Variants in BMPR1B observed in about 807,000 individuals in gnomAD.
The protein encoded by BMPR1B is bone morphogenetic protein receptor type 1B.
A neutral mutation model predicts 59.1 loss-of-function variants in BMPR1B; 12 were observed. The observed-to-expected ratio is 0.20, with a 90% CI of 0.13 to 0.33. The LOEUF (loss-of-function observed/expected upper bound fraction) is 0.33. Among genes scored for constraint, BMPR1B ranks in the 10% least tolerant of loss-of-function variants. BMPR1B has a pLI of 1.00. For synonymous variants in BMPR1B, 237 were observed against 207.3 expected (o/e 1.14, Z -1.23); for missense variants, 550 against 610.9 (o/e 0.90, Z 1.05).
intron 1 of BMPR1B, among the ~76,000 whole-genome samples, chr4:94,820,350 T>A (rs1354427982): frequency 6.6e-6 from 1 of 152,206 alleles, no homozygotes; most frequent in African/African-American, 2.4e-5. Context: ...CATTTGTTTC[T>A]TTGGAGAACC....
chr4:95,114,532 T>G (rs1417029966), intron 4 of BMPR1B, among the ~76,000 whole-genome samples, 188 bp from the exon 5 acceptor site: 1 of 152,168 alleles, frequency 6.6e-6, no homozygotes, highest in Admixed American at 6.6e-5. Flanking sequence ...GTTTTTATGT[T>G]TATTAAATCC....
chr4:94,909,009 G>T (rs144727926), intron 2 of BMPR1B, among the ~76,000 whole-genome samples: 170 of 152,164 alleles, frequency 1.1e-3, no homozygotes, highest in African/African-American at 3.8e-3. Context: ...TGCTAGGAAA[G>T]AATCCTTTCT....
chr4:95,156,566 C>A lies in BMPR1B; in HGVS notation c.*1893C>A, dbSNP rs1446164161. 6.6e-6 allele frequency: 1 copy of A among 151,514 alleles called. No homozygotes were observed. The highest frequency in any genetic ancestry group is 6.6e-5 in the Admixed American group (1 of 15,208). 9.4% of individuals were successfully genotyped at this position (151,514 alleles called of 1,614,324 possible). ...ACAGTTTGGGAGAATCATGAAGATTCTTTCTATATTTTGCATTTACTTCCC... is the reference window on the plus strand; with the variant it reads ...ACAGTTTGGGAGAATCATGAAGATTATTTCTATATTTTGCATTTACTTCCC... On this transcript the variant is annotated 3_prime_UTR_variant, in exon 13 of 13. Transcript: ENST00000515059.
chr4:94,836,155 G>A (rs371403782), intron 1 of BMPR1B, among the ~76,000 whole-genome samples: 9,255 of 136,374 alleles, frequency 0.068, 352 homozygotes, highest in Non-Finnish European at 0.079. Context: ...AATCCAGTCT[G>A]TCATTGTTGG....
Position 95,154,905 on chromosome 4 carries a change from C to T in BMPR1B, c.*232C>T, listed in dbSNP as rs1735308453. On this transcript the variant is annotated 3_prime_UTR_variant, in exon 13 of 13. Transcript: ENST00000515059. ...TAGGACGGAGAAACCGCTTGGGTAACTTGTTCAAGATATGATGCATGTTGC... is the reference window on the plus strand; with the variant it reads ...TAGGACGGAGAAACCGCTTGGGTAATTTGTTCAAGATATGATGCATGTTGC... The T allele has an allele frequency of 1.9e-6, 1 of 529,752 alleles. No individual in the cohort carries two copies. 32.8% of individuals were successfully genotyped at this position (529,752 alleles called of 1,614,324 possible). A position where few individuals can be genotyped will look rare whatever the true frequency, so the allele number is the denominator to read the frequency against.
intron 1 of BMPR1B, among the ~76,000 whole-genome samples, chr4:94,787,648 G>T (rs549083231): frequency 3.3e-5 from 5 of 152,212 alleles, no homozygotes; most frequent in Non-Finnish European, 7.4e-5. Flanking sequence ...CACGTCTTTG[G>T]TTCTTCATTT....
chr4:94,940,060 TGG>T (rs1729451475), intron 2 of BMPR1B, among the ~76,000 whole-genome samples: 1 of 152,214 alleles, frequency 6.6e-6, no homozygotes, highest in South Asian at 2.1e-4. Context: ...CTAATGCATT[TGG>T]GAGGTATTAT....
chr4:95,014,321 A>G (rs914714538), intron 3 of BMPR1B, among the ~76,000 whole-genome samples: 7 of 152,196 alleles, frequency 4.6e-5, no homozygotes, highest in Admixed American at 1.3e-4. Flanking sequence ...CTTATAATTC[A>G]TAGAATCCAC....
intron 10 of BMPR1B, among the ~76,000 whole-genome samples, chr4:95,145,976 T>G (rs996046107): frequency 2.0e-5 from 3 of 152,238 alleles, no homozygotes; most frequent in Non-Finnish European, 4.4e-5. Context: ...TAAACAAACC[T>G]TTTCCTTCTT....
intron 1 of BMPR1B, among the ~76,000 whole-genome samples, chr4:94,796,572 C>G (rs1337902307): frequency 6.6e-6 from 1 of 151,696 alleles, no homozygotes; most frequent in Non-Finnish European, 1.5e-5. Flanking sequence ...GAGTCAGGAT[C>G]AGGACTGAAT....
At chr4:95,053,784 T>C (rs1304611487) in intron 3 of BMPR1B, among the ~76,000 whole-genome samples, 2 of 152,184 alleles carry the variant, frequency 1.3e-5, no homozygotes, top group African/African-American at 4.8e-5. Flanking sequence ...CGTAACTTTC[T>C]ATAAAGTACA....
chr4:94,981,982 T>G (rs1721110931), intron 2 of BMPR1B, among the ~76,000 whole-genome samples: 1 of 152,196 alleles, frequency 6.6e-6, no homozygotes, highest in Admixed American at 6.5e-5. Flanking sequence ...ATCCTGGTGG[T>G]CAGTCTTAGG....
intron 1 of BMPR1B, among the ~76,000 whole-genome samples, chr4:94,850,453 A>G (rs1292983963): frequency 6.6e-6 from 1 of 152,104 alleles, no homozygotes; most frequent in African/African-American, 2.4e-5. Context: ...CAATCTTTCA[A>G]GATATCTGTA....
At chr4:94,994,841 C>T (rs1169797498) in intron 2 of BMPR1B, among the ~76,000 whole-genome samples, 2 of 152,072 alleles carry the variant, frequency 1.3e-5, no homozygotes, top group African/African-American at 2.4e-5. Context: ...TGAGAACCAC[C>T]ATTCTAACAG....
At chr4:95,108,643 G>C (rs1347976276) in intron 4 of BMPR1B, among the ~76,000 whole-genome samples, 1 of 151,948 alleles carries the variant, frequency 6.6e-6, no homozygotes, top group African/African-American at 2.4e-5. Flanking sequence ...GTGCAGATAC[G>C]GCTGCTTCCA....
chr4:94,799,270 G>C (rs35965331), intron 1 of BMPR1B, among the ~76,000 whole-genome samples: 46,995 of 149,884 alleles, frequency 0.31, 7,942 homozygotes, highest in African/African-American at 0.44. Flanking sequence ...GATAGTAGCA[G>C]TGACCTGTCC....
chr4:94,922,341 G>C (rs1171584106), intron 2 of BMPR1B, among the ~76,000 whole-genome samples: 3 of 151,968 alleles, frequency 2.0e-5, no homozygotes, highest in African/African-American at 7.3e-5. Flanking sequence ...GTGTGTGTAT[G>C]AGAGAGAGAC....
At chr4:94,990,130 G>A (rs1245601389) in intron 2 of BMPR1B, among the ~76,000 whole-genome samples, 1 of 152,144 alleles carries the variant, frequency 6.6e-6, no homozygotes, top group African/African-American at 2.4e-5. Context: ...GGCCAAGGTG[G>A]GTGGATCACT....
intron 2 of BMPR1B, among the ~76,000 whole-genome samples, chr4:94,958,628 G>C (rs1016434496): frequency 6.6e-6 from 1 of 152,082 alleles, no homozygotes; most frequent in Non-Finnish European, 1.5e-5. Flanking sequence ...CTCTTTAAAG[G>C]CTTTGTCTAC....
Sources: allele counts gnomAD v4.1 joint callset (sites outside exome capture counted in the v4.1 genomes callset), GRCh38; gene constraint gnomAD v4.1.1; transcripts MANE v1.5; gene names NCBI Gene and HGNC (gene_info 2026-07-23, HGNC 2026-07-21).